TMCO4: variants seen among roughly 807,000 people sequenced by gnomAD.
TMCO4 encodes the protein transmembrane and coiled-coil domains 4, also known as transmembrane and coiled-coil domain-containing protein 4.
TMCO4 carries 58 observed loss-of-function variants against 64.7 expected under a neutral mutation model. That is an observed-to-expected ratio of 0.90 (90% CI 0.73 to 1.12). The LOEUF is 1.12. Among genes scored for constraint, TMCO4 ranks in the 50% most tolerant of loss-of-function variants. The probability of loss-of-function intolerance (pLI) is 0.00; values close to 1 mark genes in which losing one functional copy is unlikely to be tolerated. For missense variants in TMCO4, 780 were observed against 825.9 expected, an observed-to-expected ratio of 0.94 and a Z score of 0.68; for synonymous variants, 325 against 346.1, an observed-to-expected ratio of 0.94 and a Z score of 0.68.
chr1:19,700,814 G>T lies in TMCO4; in HGVS notation c.1336C>A (p.Pro446Thr). ...CTCCCGGACACCACCTTCCGGAAAG[G>T]CTCCCAATGCTTGGCTTCTCCCTCC... The part of the protein sequence containing the change: ...PVEGEAKHWE[P>T]FRKVVSGRII... The change falls in exon 14 of 16, where the codon CCT (proline) becomes ACT (threonine). Residue 446 changes from proline to threonine, a missense_variant. By Grantham distance (38) the Pro-to-Thr change is conservative. Transcript: ENST00000294543. 1 of 1,614,202 alleles carries T rather than the reference G, an allele frequency of 6.2e-7. No homozygotes were observed. Among genetic ancestry groups the T allele is most frequent in the African/African-American group, 1.3e-5 (1 of 75,064 alleles).
At chr1:19,712,255 GT>G (rs1444800656) in intron 13 of TMCO4, among the ~76,000 whole-genome samples, 2 of 152,220 alleles carry the variant, frequency 1.3e-5, no homozygotes, top group African/African-American at 4.8e-5. Context: ...TATGGACAAT[GT>G]TTGTGGTGCC....
chr1:19,793,550 G>C lies in TMCO4; in HGVS notation c.-101+4587C>G, dbSNP rs1042047484. 3.3e-5 allele frequency among the ~76,000 whole-genome samples: 5 copies of C among 152,304 alleles called. No individual in the cohort carries two copies. In the East Asian group the frequency reaches 9.7e-4, roughly 29 times the overall value. ...ACCCATTGATTCTACATCTCTATCTGAAGTCATATTGGAAGCGAGAGGTCA... is the reference window on the plus strand; with the variant it reads ...ACCCATTGATTCTACATCTCTATCTCAAGTCATATTGGAAGCGAGAGGTCA... On this transcript the variant is annotated intron_variant, in intron 2 of 15. Coordinates refer to ENST00000294543, the MANE Select transcript of TMCO4 (RefSeq NM_181719.7).
At chr1:19,683,552 C>T in intron 15 of TMCO4, 108 bp from the exon 16 acceptor site, 2 of 1,279,500 alleles carry the variant, frequency 1.6e-6, no homozygotes, top group Non-Finnish European at 2.1e-6. Context: ...GCATCCACAG[C>T]CAACGAATCA....
chr1:19,782,384 G>A (rs962900464), intron 3 of TMCO4, among the ~76,000 whole-genome samples: 15 of 152,202 alleles, frequency 9.9e-5, no homozygotes, highest in African/African-American at 3.6e-4. Flanking sequence ...GTTACATGTG[G>A]GAGGGAGTAT....
At chr1:19,690,899 TG>T in intron 15 of TMCO4, among the ~76,000 whole-genome samples, 1 of 149,854 alleles carries the variant, frequency 6.7e-6, no homozygotes, top group South Asian at 2.2e-4. Context: ...AACAGAGTCT[TG>T]CTCTGTCACC....
At chr1:19,728,747 T>A (rs1479903573) in intron 13 of TMCO4, among the ~76,000 whole-genome samples, 4 of 152,184 alleles carry the variant, frequency 2.6e-5, no homozygotes, top group African/African-American at 9.7e-5. Flanking sequence ...ACACTGGGGT[T>A]CTCACCCAAG....
chr1:19,721,437 T>G (rs1356699342), intron 13 of TMCO4, among the ~76,000 whole-genome samples: 1 of 152,160 alleles, frequency 6.6e-6, no homozygotes, highest in Non-Finnish European at 1.5e-5. Context: ...TTTGCAACAC[T>G]GTCTCCTGTG....
intron 6 of TMCO4, among the ~76,000 whole-genome samples, chr1:19,764,601 G>A (rs1194977075): frequency 3.3e-5 from 5 of 152,148 alleles, no homozygotes; most frequent in East Asian, 3.9e-4. Flanking sequence ...GGTGGCTCAC[G>A]CCTGTAATCC....
At chr1:19,761,366 G>C (rs1304876013) in intron 6 of TMCO4, among the ~76,000 whole-genome samples, 3 of 152,106 alleles carry the variant, frequency 2.0e-5, no homozygotes, top group Non-Finnish European at 4.4e-5. Flanking sequence ...ATGATCAATG[G>C]GTGCTGCAAC....
chr1:19,790,448 A>G (rs2043974664), intron 2 of TMCO4, among the ~76,000 whole-genome samples: 1 of 152,184 alleles, frequency 6.6e-6, no homozygotes, highest in African/African-American at 2.4e-5. Context: ...CAAGGAACTT[A>G]AGCAAATTTA....
At position 19,694,560 on chromosome 1, in the gene TMCO4, G is replaced by A. The variant is rs1251533858; in HGVS notation, c.1383-9C>T. On this transcript the variant is annotated splice_polypyrimidine_tract_variant and intron_variant, in intron 14 of 15. Coordinates refer to ENST00000294543, the MANE Select transcript of TMCO4 (RefSeq NM_181719.7). Reference sequence around the variant, plus strand: ...TCAGCAGCCAGTCTCCCCTGTGGGAGGGTAGAGAAGCATGTGAACATTAGC... The same window carrying A: ...TCAGCAGCCAGTCTCCCCTGTGGGAAGGTAGAGAAGCATGTGAACATTAGC... 8 of 1,612,894 alleles carry A rather than the reference G, an allele frequency of 5.0e-6. No homozygotes were observed. Among genetic ancestry groups the A allele is most frequent in the Non-Finnish European group, 6.8e-6 (8 of 1,179,036 alleles).
intron 6 of TMCO4, among the ~76,000 whole-genome samples, chr1:19,760,513 G>A (rs1183431043): frequency 6.6e-6 from 1 of 152,106 alleles, no homozygotes; most frequent in Admixed American, 6.6e-5. Flanking sequence ...AACCTCCTGG[G>A]CTCAAGTGAG....
chr1:19,706,825 A>C (rs1420848234), intron 13 of TMCO4, among the ~76,000 whole-genome samples: 1 of 152,198 alleles, frequency 6.6e-6, no homozygotes, highest in Non-Finnish European at 1.5e-5. Flanking sequence ...TATTTTAAAC[A>C]CAGGAGCCCA....
At chr1:19,690,466 C>T (rs1264071023) in intron 15 of TMCO4, among the ~76,000 whole-genome samples, 3 of 152,270 alleles carry the variant, frequency 2.0e-5, no homozygotes, top group Non-Finnish European at 4.4e-5. Flanking sequence ...AGGCAACACG[C>T]CTGGTCTGGC....
chr1:19,729,649 C>T (rs1165082940), intron 13 of TMCO4, among the ~76,000 whole-genome samples: 1 of 151,662 alleles, frequency 6.6e-6, no homozygotes, highest in Non-Finnish European at 1.5e-5. Context: ...ACCTGTAATC[C>T]CAGCTATTTG....
At chr1:19,787,386 T>G (rs890507336) in intron 2 of TMCO4, among the ~76,000 whole-genome samples, 2 of 152,260 alleles carry the variant, frequency 1.3e-5, no homozygotes, top group Admixed American at 6.5e-5. Flanking sequence ...TTGAATGTCC[T>G]TGTTCAACTC....
intron 6 of TMCO4, among the ~76,000 whole-genome samples, chr1:19,765,679 G>T (rs1038425534): frequency 6.6e-6 from 1 of 151,914 alleles, no homozygotes. Flanking sequence ...TGGGCAAAGC[G>T]CTTCGTGGGT....
Position 19,747,261 on chromosome 1 carries a change from C to G in TMCO4, c.516-1G>C. The G allele has an allele frequency of 6.2e-7, 1 of 1,613,054 alleles. No homozygotes were observed. The highest frequency in any genetic ancestry group is 8.5e-7 in the Non-Finnish European group (1 of 1,179,804). On this transcript the variant is annotated splice_acceptor_variant, in intron 7 of 15. Coordinates refer to ENST00000294543, the MANE Select transcript of TMCO4 (RefSeq NM_181719.7). LOFTEE classifies it high-confidence loss of function. The stretch of plus-strand genomic sequence containing the variant: ...CTTCTTTCGGGATGCCTCGGCCATT[C>G]TGAGGGAAAAGAGGCTGGTCTTTAG...
At chr1:19,730,116 G>A (rs10799835) in intron 13 of TMCO4, among the ~76,000 whole-genome samples, 84,987 of 152,154 alleles carry the variant, frequency 0.56, 24,287 homozygotes, top group East Asian at 0.73. Flanking sequence ...TGGTAGGAAG[G>A]CATTTACTGG....
Sources: gnomAD v4.1 joint callset for allele counts (sites outside exome capture counted in the v4.1 genomes callset) on GRCh38, gnomAD v4.1.1 for gene constraint, MANE v1.5 for transcripts, NCBI Gene and HGNC (gene_info 2026-07-23, HGNC 2026-07-21) for gene names.